Variants in STX8 observed in about 807,000 individuals in gnomAD.
STX8 encodes the protein syntaxin 8, also known as syntaxin-8.
STX8 carries 23 observed loss-of-function variants against 37.5 expected under a neutral mutation model. The ratio of observed to expected loss-of-function variants is 0.61; its 90% CI spans 0.44 to 0.87. The LOEUF (loss-of-function observed/expected upper bound fraction) is 0.87. STX8 is among the 40% of genes least tolerant of loss of function. STX8 has a pLI of 0.00. For synonymous variants in STX8, 115 were observed against 99.1 expected, an observed-to-expected ratio of 1.16 and a Z score of -0.95; for missense variants, 313 against 284.7, an observed-to-expected ratio of 1.10 and a Z score of -0.71.
intron 3 of STX8, among the ~76,000 whole-genome samples, chr17:9,549,878 G>C (rs1906694367): frequency 6.6e-6 from 1 of 152,178 alleles, no homozygotes; most frequent in Non-Finnish European, 1.5e-5. Context: ...GTTGGGTAAA[G>C]TAGGGTAGTG....
intron 7 of STX8, among the ~76,000 whole-genome samples, chr17:9,314,729 A>G (rs544756270): frequency 9.3e-5 from 14 of 151,136 alleles, no homozygotes; most frequent in African/African-American, 3.4e-4. Context: ...ATATCTGTAT[A>G]TACCCTGAGG....
chr17:9,503,110 A>AAC (rs1904685381), intron 5 of STX8, among the ~76,000 whole-genome samples: 2 of 150,238 alleles, frequency 1.3e-5, no homozygotes, highest in East Asian at 3.9e-4. Context: ...TGTCTCAAAA[A>AAC]AAAAAAAAAA....
intron 7 of STX8, among the ~76,000 whole-genome samples, chr17:9,306,863 C>T (rs757069440): frequency 6.6e-6 from 1 of 151,840 alleles, no homozygotes; most frequent in Non-Finnish European, 1.5e-5. Flanking sequence ...TGGTGGCTCA[C>T]GTCTGTAATC....
chr17:9,522,416 G>A lies in STX8; in HGVS notation c.324-17254C>T, dbSNP rs145458224. Among the ~76,000 whole-genome samples the A allele has an allele frequency of 6.0e-4, 91 of 152,082 alleles. 1 individual carries two copies. The highest frequency in any genetic ancestry group is 1.9e-3 in the African/African-American group (80 of 41,496). ...AGGAAGCTTAAAAAAGTTTCCTATC[G>A]GCCGGGCACGGTGGCTCACGCCTAT... is the stretch of plus-strand genomic sequence containing the variant. On this transcript the variant is annotated intron_variant, in intron 4 of 7. Transcript: ENST00000306357.
At chr17:9,285,976 C>T (rs1442649738) in intron 7 of STX8, among the ~76,000 whole-genome samples, 2 of 152,116 alleles carry the variant, frequency 1.3e-5, no homozygotes, top group Non-Finnish European at 2.9e-5. Context: ...GCATCCCACA[C>T]TTGCCAATAA....
intron 3 of STX8, among the ~76,000 whole-genome samples, chr17:9,550,223 CAA>C (rs879537758): frequency 8.8e-5 from 11 of 124,740 alleles, no homozygotes; most frequent in Non-Finnish European, 6.8e-5. Flanking sequence ...GACTCCATCT[CAA>C]AAAAAAAAAA....
At chr17:9,258,968 G>A (rs749166752) in intron 7 of STX8, among the ~76,000 whole-genome samples, 4 of 152,228 alleles carry the variant, frequency 2.6e-5, no homozygotes, top group Non-Finnish European at 5.9e-5. Flanking sequence ...GGTATCTGCA[G>A]CAAGGCCATT....
intron 6 of STX8, among the ~76,000 whole-genome samples, chr17:9,439,453 C>T (rs1413447937): frequency 1.3e-5 from 2 of 151,936 alleles, no homozygotes; most frequent in Non-Finnish European, 2.9e-5. Flanking sequence ...GCAAAATTTA[C>T]TTATATCTTC....
intron 7 of STX8, among the ~76,000 whole-genome samples, chr17:9,342,807 G>A (rs1341117511): frequency 1.3e-5 from 2 of 152,070 alleles, no homozygotes; most frequent in African/African-American, 2.4e-5. Flanking sequence ...CAGAGCATGA[G>A]GTCAGGAGTT....
At chr17:9,352,600 C>T (rs1307791344) in intron 7 of STX8, among the ~76,000 whole-genome samples, 5 of 150,974 alleles carry the variant, frequency 3.3e-5, no homozygotes, top group Non-Finnish European at 5.9e-5. Flanking sequence ...CCCGGGTTCA[C>T]GCCATTCTCC....
chr17:9,404,344 G>A (rs1912733965), intron 6 of STX8, among the ~76,000 whole-genome samples: 1 of 152,046 alleles, frequency 6.6e-6, no homozygotes, highest in Admixed American at 6.5e-5. Flanking sequence ...TGACTTCTTT[G>A]CTTTTTCATT....
At chr17:9,517,691 C>T (rs530339471) in intron 4 of STX8, among the ~76,000 whole-genome samples, 1 of 150,006 alleles carries the variant, frequency 6.7e-6, no homozygotes, top group Admixed American at 6.7e-5. Flanking sequence ...CAGTAGTTCA[C>T]ACCTGTAATC....
At chr17:9,308,403 G>C (rs1009584794) in intron 7 of STX8, among the ~76,000 whole-genome samples, 11 of 152,216 alleles carry the variant, frequency 7.2e-5, no homozygotes, top group Non-Finnish European at 4.4e-5. Context: ...AGGGAGAAAG[G>C]TTCTAGTTCC....
chr17:9,383,234 A>C (rs548004428), intron 6 of STX8, among the ~76,000 whole-genome samples: 6 of 152,324 alleles, frequency 3.9e-5, no homozygotes, highest in African/African-American at 7.2e-5. Flanking sequence ...TAGCAGCTTG[A>C]ATAGAACAAG....
intron 6 of STX8, among the ~76,000 whole-genome samples, chr17:9,424,256 G>A (rs1467087768): frequency 6.6e-6 from 1 of 152,012 alleles, no homozygotes; most frequent in South Asian, 2.1e-4. Flanking sequence ...TTTTGCATCC[G>A]CCCAGTGCTG....
At chr17:9,356,024 C>T (rs894477400) in intron 7 of STX8, among the ~76,000 whole-genome samples, 1 of 152,180 alleles carries the variant, frequency 6.6e-6, no homozygotes, top group Non-Finnish European at 1.5e-5. Context: ...TCACAGACCA[C>T]CTCTCAGTTC....
chr17:9,295,737 G>A (rs1015324473), intron 7 of STX8, among the ~76,000 whole-genome samples: 4 of 151,434 alleles, frequency 2.6e-5, no homozygotes, highest in African/African-American at 7.3e-5. Flanking sequence ...ATGAGATTCC[G>A]TCCCCCCTCC....
At chr17:9,483,801 C>T (rs946046235) in intron 6 of STX8, among the ~76,000 whole-genome samples, 2 of 152,160 alleles carry the variant, frequency 1.3e-5, no homozygotes, top group African/African-American at 4.8e-5. Flanking sequence ...TCACACAAAG[C>T]AGAGAGGAGA....
At chr17:9,569,942 T>A (rs1372965085) in intron 1 of STX8, 1 of 152,048 alleles carries the variant, frequency 6.6e-6, no homozygotes, top group African/African-American at 2.4e-5. Context: ...TGAGACTCCA[T>A]CTCAAAAAAA....
Sources: gnomAD v4.1 joint callset for allele counts (sites outside exome capture counted in the v4.1 genomes callset) on GRCh38, gnomAD v4.1.1 for gene constraint, MANE v1.5 for transcripts, NCBI Gene and HGNC (gene_info 2026-07-23, HGNC 2026-07-21) for gene names.